GUCA1A: variants seen among roughly 807,000 people sequenced by gnomAD.
GUCA1A encodes guanylate cyclase activator 1A.
A neutral mutation model predicts 18.5 loss-of-function variants in GUCA1A; 14 were observed. The observed-to-expected ratio is 0.76, with a 90% CI of 0.50 to 1.18. The LOEUF is 1.18. GUCA1A is among the 50% of genes most tolerant of loss of function. GUCA1A has a pLI of 0.00. For synonymous variants in GUCA1A, 97 were observed against 100.2 expected (o/e 0.97, Z 0.19); for missense variants, 264 against 262.4 (o/e 1.01, Z -0.04).
intron 1 of GUCA1A, among the ~76,000 whole-genome samples, chr6:42,174,164 T>C (rs1320166277): frequency 6.6e-6 from 1 of 152,230 alleles, no homozygotes; most frequent in African/African-American, 2.4e-5. Flanking sequence ...CACAGGCATA[T>C]CTTGGTTTAC....
At chr6:42,177,632 T>G (rs760234074) in intron 1 of GUCA1A, among the ~76,000 whole-genome samples, 2 of 152,084 alleles carry the variant, frequency 1.3e-5, no homozygotes, top group Non-Finnish European at 2.9e-5. Context: ...AGAGCAAAAG[T>G]ATCCTCACCT....
At position 42,175,896 on chromosome 6, in the gene GUCA1A, C is replaced by T. The variant is rs114700631; in HGVS notation, c.201+2082C>T. ...GCTGCAAGTCTCTGCTTAGAAGTCT[C>T]CTCACTAACCCCTGCCGTGATCTTC... On this transcript the variant is annotated intron_variant, in intron 1 of 3. Coordinates refer to ENST00000372958, the MANE Select transcript of GUCA1A (RefSeq NM_001384910.1). Among the ~76,000 whole-genome samples, 1,307 of 152,294 alleles carry T rather than the reference C, an allele frequency of 8.6e-3. 17 individuals are homozygous for T. The highest frequency in any genetic ancestry group is 0.03 in the African/African-American group (1,238 of 41,558).
At chr6:42,177,235 C>T (rs930736460) in intron 1 of GUCA1A, among the ~76,000 whole-genome samples, 5 of 152,088 alleles carry the variant, frequency 3.3e-5, no homozygotes, top group African/African-American at 1.2e-4. Context: ...GCTGTTTGGC[C>T]TAATCTCTCT....
intron 1 of GUCA1A, among the ~76,000 whole-genome samples, chr6:42,174,339 T>C (rs1767894733): frequency 6.6e-6 from 1 of 152,214 alleles, no homozygotes; most frequent in African/African-American, 2.4e-5. Context: ...CTGTCTGGCA[T>C]GGGCAGGCCA....
rs1768066283 is a variant in GUCA1A at position 42,179,652 on chromosome 6, C to T, written c.*249C>T. On this transcript the variant is annotated 3_prime_UTR_variant, in exon 4 of 4. Coordinates refer to ENST00000372958, the MANE Select transcript of GUCA1A (RefSeq NM_001384910.1). ...TTGCTGGGGGGCACTGTTCAACATC[C>T]CTCTGCCGTCGGGTGACCCCCTAGC... 1 of 419,830 alleles carries T rather than the reference C, an allele frequency of 2.4e-6. No individual in the cohort carries two copies. Among genetic ancestry groups the T allele is most frequent in the Non-Finnish European group, 4.2e-6 (1 of 236,582 alleles). 26.0% of individuals were successfully genotyped at this position (419,830 alleles called of 1,614,324 possible).
Position 42,179,380 on chromosome 6 carries a change from G to A in GUCA1A, c.583G>A (p.Glu195Lys), listed in dbSNP as rs749286416. 2.5e-6 allele frequency: 4 copies of A among 1,602,860 alleles called. No homozygotes were observed. Among genetic ancestry groups the A allele is most frequent in the Non-Finnish European group, 3.4e-6 (4 of 1,173,368 alleles). ...NGEQDEEGAD[E>K]AAEAAG ...CGAGCAAGACGAGGAGGGGGCTGAC[G>A]AGGCCGCTGAGGCAGCCGGCTGAGT... The change falls in exon 4 of 4, where the codon GAG (glutamate) becomes AAG (lysine). Residue 195 changes from glutamate (E) to lysine (K), a missense_variant. Transcript: ENST00000372958.
At position 42,173,458 on chromosome 6, in the gene GUCA1A, G is replaced by A. The variant is rs925936709; in HGVS notation, c.-156G>A. 24 of 683,906 alleles carry A rather than the reference G, an allele frequency of 3.5e-5. No homozygotes were observed. The highest frequency in any genetic ancestry group is 1.4e-4 in the African/African-American group (8 of 56,434). The allele number at this position is 683,906 out of a possible 1,614,324, so 42.4% of individuals were successfully genotyped here. A position where few individuals can be genotyped will look rare whatever the true frequency, so the allele number is the denominator to read the frequency against. ...TGCTCTCTCCCTCTCCACATTTCCCGGTACCATCTGATCCATCAGGCCCTT... is the reference window on the plus strand; with the variant it reads ...TGCTCTCTCCCTCTCCACATTTCCCAGTACCATCTGATCCATCAGGCCCTT... On this transcript the variant is annotated 5_prime_UTR_variant, in exon 1 of 4. Transcript: ENST00000372958.
intron 1 of GUCA1A, among the ~76,000 whole-genome samples, chr6:42,174,120 C>T (rs1341606542): frequency 2.6e-5 from 4 of 152,308 alleles, no homozygotes; most frequent in African/African-American, 7.2e-5. Context: ...TAGTGTAATC[C>T]GAGGCTGAAT....
At chr6:42,175,898 T>C (rs1767948110) in intron 1 of GUCA1A, among the ~76,000 whole-genome samples, 1 of 152,192 alleles carries the variant, frequency 6.6e-6, no homozygotes, top group African/African-American at 2.4e-5. Flanking sequence ...AGAAGTCTCC[T>C]CACTAACCCC....
chr6:42,175,513 C>T (rs1160554502), intron 1 of GUCA1A, among the ~76,000 whole-genome samples: 1 of 151,976 alleles, frequency 6.6e-6, no homozygotes, highest in Non-Finnish European at 1.5e-5. Context: ...TACAGGCACC[C>T]ACAACCATGC....
Position 42,173,524 on chromosome 6 carries a change from C to A in GUCA1A, c.-90C>A. 2.0e-6 allele frequency: 2 copies of A among 994,480 alleles called. No homozygotes were observed. Among genetic ancestry groups the A allele is most frequent in the South Asian group, 2.6e-5 (2 of 77,314 alleles). The allele number at this position is 994,480 out of a possible 1,614,324, so 61.6% of individuals were successfully genotyped here. On this transcript the variant is annotated 5_prime_UTR_variant, in exon 1 of 4. Coordinates refer to ENST00000372958, the MANE Select transcript of GUCA1A (RefSeq NM_001384910.1). ...AAGGACTCAGGCCTGTGAGAGAGGA[C>A]GGCCCCGTTGTCGGCCAAGACACCT...
chr6:42,179,385 C>A lies in GUCA1A; in HGVS notation c.588C>A (p.Ala196=). The change falls in exon 4 of 4, where the codon GCC becomes GCA. Residue 196 remains alanine, a synonymous_variant. Transcript: ENST00000372958. ...GEQDEEGADE[A]AEAAG is the part of the protein sequence containing the mutation. ...AAGACGAGGAGGGGGCTGACGAGGC[C>A]GCTGAGGCAGCCGGCTGAGTGCACC... 6.2e-7 allele frequency: 1 copy of A among 1,601,820 alleles called. No homozygotes were observed. Among genetic ancestry groups the A allele is most frequent in the Non-Finnish European group, 8.5e-7 (1 of 1,172,788 alleles).
Position 42,178,437 on chromosome 6 carries a change from G to A in GUCA1A, c.351+8G>A. On this transcript the variant is annotated splice_region_variant and intron_variant, in intron 2 of 3. Transcript: ENST00000372958. ...CTGCTCACCATCATCCAGGTGCAGA[G>A]GGCCCGGCCAGGGCTGGGGGCAGCG... The A allele has an allele frequency of 6.2e-7, 1 of 1,613,172 alleles. No individual in the cohort carries two copies. The highest frequency in any genetic ancestry group is 8.5e-7 in the Non-Finnish European group (1 of 1,179,448).
rs115636833 is a variant in GUCA1A at position 42,179,748 on chromosome 6, G to A, written c.*345G>A. On this transcript the variant is annotated 3_prime_UTR_variant, in exon 4 of 4. Coordinates refer to ENST00000372958, the MANE Select transcript of GUCA1A (RefSeq NM_001384910.1). ...TTCTCCAGTCCATGCTCTTCTGGACGTGGACTCTCTGAGGCAGAACTGAGC... is the reference window on the plus strand; with the variant it reads ...TTCTCCAGTCCATGCTCTTCTGGACATGGACTCTCTGAGGCAGAACTGAGC... 4.9e-3 allele frequency: 954 copies of A among 196,684 alleles called. 11 individuals carry two copies. The highest frequency in any genetic ancestry group is 0.021 in the African/African-American group (906 of 42,848). 12.2% of individuals were successfully genotyped at this position (196,684 alleles called of 1,614,324 possible).
Position 42,173,768 on chromosome 6 carries a change from C to T in GUCA1A, c.155C>T (p.Ala52Val), listed in dbSNP as rs765744776. Residue 52 changes from alanine to valine, a missense_variant, in exon 1 of 4, where the codon GCC becomes GTC. Transcript: ENST00000372958. ...FFGLKNLSPS[A>V]SQYVEQMFET... The stretch of plus-strand genomic sequence containing the variant: ...GGCCTCAAGAACCTGAGCCCGTCGG[C>T]CAGCCAGTACGTGGAACAGATGTTT... 8.7e-6 allele frequency: 14 copies of T among 1,614,116 alleles called. No individual in the cohort carries two copies. The highest frequency in any genetic ancestry group is 1.2e-5 in the Non-Finnish European group (14 of 1,179,986).
chr6:42,177,963 G>A (rs988417004), intron 1 of GUCA1A, among the ~76,000 whole-genome samples: 2 of 152,234 alleles, frequency 1.3e-5, no homozygotes, highest in Admixed American at 6.5e-5. Flanking sequence ...CAGGGAAGCA[G>A]GCAGCGCTCG....
Position 42,179,486 on chromosome 6 carries a change from T to G in GUCA1A, c.*83T>G, listed in dbSNP as rs954921743. On this transcript the variant is annotated 3_prime_UTR_variant, in exon 4 of 4. Coordinates refer to ENST00000372958, the MANE Select transcript of GUCA1A (RefSeq NM_001384910.1). ...GTGGTGTTCTTGTCTTAACCCTAGA[T>G]AGAATCTAATGAACTCAGAGGCTTA... 8.5e-7 allele frequency: 1 copy of G among 1,177,498 alleles called. No individual in the cohort carries two copies. The highest frequency in any genetic ancestry group is 1.2e-6 in the Non-Finnish European group (1 of 845,718). The allele number at this position is 1,177,498 out of a possible 1,614,324, so 72.9% of individuals were successfully genotyped here. A position where few individuals can be genotyped will look rare whatever the true frequency, so the allele number is the denominator to read the frequency against.
rs774560916 is a variant in GUCA1A, at chr6:42,179,760, A to G, written c.*357A>G. On this transcript the variant is annotated 3_prime_UTR_variant, in exon 4 of 4. Coordinates refer to ENST00000372958, the MANE Select transcript of GUCA1A (RefSeq NM_001384910.1). ...TGCTCTTCTGGACGTGGACTCTCTG[A>G]GGCAGAACTGAGCTTTTCCAGGCCT... 66 of 178,542 alleles carry G rather than the reference A, an allele frequency of 3.7e-4. No homozygotes were observed. Among genetic ancestry groups the G allele is most frequent in the Middle Eastern group, 2.4e-3 (1 of 420 alleles). 11.1% of individuals were successfully genotyped at this position (178,542 alleles called of 1,614,324 possible). A position where few individuals can be genotyped will look rare whatever the true frequency, so the allele number is the denominator to read the frequency against.
At chr6:42,175,912 C>T (rs577129832) in intron 1 of GUCA1A, among the ~76,000 whole-genome samples, 3 of 152,278 alleles carry the variant, frequency 2.0e-5, no homozygotes, top group East Asian at 1.9e-4. Flanking sequence ...TAACCCCTGC[C>T]GTGATCTTCT....
Sources: gnomAD v4.1 joint callset for allele counts (sites outside exome capture counted in the v4.1 genomes callset) on GRCh38, gnomAD v4.1.1 for gene constraint, MANE v1.5 for transcripts, NCBI Gene and HGNC (gene_info 2026-07-23, HGNC 2026-07-21) for gene names.